RANBP17: variants seen among roughly 807,000 people sequenced by gnomAD.
RANBP17 encodes the protein ran-binding protein 17.
In RANBP17, 158 loss-of-function variants were observed where a neutral mutation model predicts 141.2. The ratio of observed to expected loss-of-function variants is 1.12; its 90% CI spans 0.98 to 1.28. RANBP17 has a LOEUF of 1.28. RANBP17 is among the 50% of genes most tolerant of loss of function. The pLI, the probability that RANBP17 is intolerant of heterozygous loss-of-function variation, is 0.00. For missense variants in RANBP17, 1,438 were observed against 1,290.7 expected, an observed-to-expected ratio of 1.11 and a Z score of -1.75; for synonymous variants, 430 against 450.0, an observed-to-expected ratio of 0.96 and a Z score of 0.56.
intron 14 of RANBP17, among the ~76,000 whole-genome samples, chr5:171,001,559 A>G (rs901651985): frequency 1.3e-5 from 2 of 152,034 alleles, no homozygotes; most frequent in African/African-American, 4.8e-5. Flanking sequence ...AATGGGCTGT[A>G]CTCTGTAGCA....
At chr5:170,965,259 T>G (rs1436480516) in intron 13 of RANBP17, among the ~76,000 whole-genome samples, 2 of 150,864 alleles carry the variant, frequency 1.3e-5, no homozygotes, top group African/African-American at 4.9e-5. Context: ...TTTTTTTTCT[T>G]GTAAATTTGT....
At chr5:170,967,714 T>G (rs865948428) in intron 13 of RANBP17, among the ~76,000 whole-genome samples, 2 of 151,772 alleles carry the variant, frequency 1.3e-5, no homozygotes, top group Admixed American at 6.6e-5. Context: ...CCTTGTAGTT[T>G]ATTTAAGGTA....
intron 14 of RANBP17, among the ~76,000 whole-genome samples, chr5:171,013,129 G>A (rs531998127): frequency 8.5e-5 from 13 of 152,312 alleles, no homozygotes; most frequent in Admixed American, 2.0e-4. Flanking sequence ...TAATACTGAT[G>A]CACATTTAGT....
chr5:171,109,874 AATATT>A (rs1322843395), intron 14 of RANBP17, among the ~76,000 whole-genome samples: 1 of 152,186 alleles, frequency 6.6e-6, no homozygotes, highest in Non-Finnish European at 1.5e-5. Context: ...ACTTTGAAGA[AATATT>A]ATAGGTATTA....
intron 14 of RANBP17, among the ~76,000 whole-genome samples, chr5:171,141,587 G>A (rs1439507202): frequency 1.6e-5 from 2 of 128,128 alleles, no homozygotes; most frequent in Non-Finnish European, 3.2e-5. Flanking sequence ...AGCCTGGGAT[G>A]GAGTGTAGAC....
intron 5 of RANBP17, chr5:170,897,420 G>A (rs1020859778): frequency 1.3e-5 from 5 of 391,040 alleles, no homozygotes; most frequent in African/African-American, 4.3e-5. Context: ...TTTCTTCATT[G>A]TTATACTTTA....
At chr5:171,141,477 G>T (rs1757690801) in intron 14 of RANBP17, among the ~76,000 whole-genome samples, 2 of 151,256 alleles carry the variant, frequency 1.3e-5, no homozygotes, top group African/African-American at 4.9e-5. Flanking sequence ...CGTGGTGGTG[G>T]GCACCTGTAG....
intron 12 of RANBP17, among the ~76,000 whole-genome samples, chr5:170,938,108 C>T (rs982907936): frequency 6.6e-5 from 10 of 152,084 alleles, no homozygotes; most frequent in Admixed American, 1.3e-4. Context: ...GAACTTTAAT[C>T]GGGGTGGGAC....
At position 171,252,786 on chromosome 5, in the gene RANBP17, G is replaced by A. The variant is rs1008219532; in HGVS notation, c.2776+9966G>A. ...CTTCATATGAAAGTGTGGAGGGTGT[G>A]TGCAGCCTCATTGTCAGCATTGGTC... On this transcript the variant is annotated intron_variant, in intron 24 of 27. Transcript: ENST00000523189. The A allele has an allele frequency of 1.2e-5, 15 of 1,238,890 alleles. No homozygotes were observed. In the African/African-American group the frequency reaches 1.9e-4, roughly 16 times the overall value. 76.7% of individuals were successfully genotyped at this position (1,238,890 alleles called of 1,614,324 possible).
chr5:171,028,105 T>A (rs1015300600), intron 14 of RANBP17, among the ~76,000 whole-genome samples: 5 of 151,992 alleles, frequency 3.3e-5, no homozygotes, highest in African/African-American at 1.2e-4. Flanking sequence ...TAATGCTAGA[T>A]TTATAAGGCA....
intron 15 of RANBP17, among the ~76,000 whole-genome samples, chr5:171,170,522 C>T (rs1284944097): frequency 2.0e-5 from 3 of 151,926 alleles, no homozygotes; most frequent in South Asian, 2.1e-4. Context: ...AAGAAAAGCA[C>T]GCGATTTGAA....
At chr5:170,931,421 A>G (rs994297539) in intron 12 of RANBP17, among the ~76,000 whole-genome samples, 3 of 152,122 alleles carry the variant, frequency 2.0e-5, no homozygotes, top group African/African-American at 4.8e-5. Context: ...ATTAGATCCA[A>G]TTTGTCAATT....
chr5:171,018,316 G>C (rs954417727), intron 14 of RANBP17, among the ~76,000 whole-genome samples: 1 of 152,108 alleles, frequency 6.6e-6, no homozygotes, highest in Non-Finnish European at 1.5e-5. Flanking sequence ...AGTTTGATGG[G>C]AATAGCATTG....
At chr5:171,028,991 T>C in intron 14 of RANBP17, 1 of 1,249,894 alleles carries the variant, frequency 8.0e-7, no homozygotes, top group South Asian at 1.3e-5. Flanking sequence ...AAGGTCCAGG[T>C]GAGGGCAAGT....
chr5:171,143,590 C>T (rs1757846519), intron 14 of RANBP17: 1 of 152,136 alleles, frequency 6.6e-6, no homozygotes, highest in African/African-American at 2.4e-5. Flanking sequence ...GGTCATTCCA[C>T]TTGCTGGAGT....
At chr5:170,879,825 C>A (rs1396614439) in intron 2 of RANBP17, among the ~76,000 whole-genome samples, 1 of 152,066 alleles carries the variant, frequency 6.6e-6, no homozygotes, top group African/African-American at 2.4e-5. Flanking sequence ...TTGTTTCCAA[C>A]ACAGAATATT....
chr5:171,011,858 AC>A (rs1194147439), intron 14 of RANBP17, among the ~76,000 whole-genome samples: 1 of 151,900 alleles, frequency 6.6e-6, no homozygotes, highest in East Asian at 1.9e-4. Flanking sequence ...AAATATCTGA[AC>A]CGGACATGCA....
At position 170,896,134 on chromosome 5, in the gene RANBP17, C is replaced by G. The variant is rs1299091355; in HGVS notation, c.489+19C>G. Reference sequence around the variant, plus strand: ...GAACCTGGTAAGCGAGCCTTTCCATCTAACAGGAGCCTGAGTTTGCTTAAG... The same window carrying G: ...GAACCTGGTAAGCGAGCCTTTCCATGTAACAGGAGCCTGAGTTTGCTTAAG... On this transcript the variant is annotated intron_variant, in intron 5 of 27. Transcript: ENST00000523189. The G allele has an allele frequency of 1.3e-6, 2 of 1,549,378 alleles. No homozygotes were observed. The highest frequency in any genetic ancestry group is 1.8e-6 in the Non-Finnish European group (2 of 1,133,338).
Position 170,916,507 on chromosome 5 carries a change from T to G in RANBP17, c.877T>G (p.Leu293Val), listed in dbSNP as rs755021992. 1.3e-6 allele frequency: 2 copies of G among 1,582,432 alleles called. No homozygotes were observed. The highest frequency in any genetic ancestry group is 2.4e-5 in the South Asian group (2 of 84,900). The change falls in exon 9 of 28, where the codon TTA (leucine) becomes GTA (valine). Residue 293 changes from leucine to valine, a missense_variant. Coordinates refer to ENST00000523189, the MANE Select transcript of RANBP17 (RefSeq NM_022897.5). The part of the protein sequence containing the change: ...LVQFASTRRS[L>V]FNSPERAKYL... ...TCAGTTTGCTTCGACAAGAAGGTCC[T>G]TATTTAACAGTCCTGAACGTGCCAA...
Sources: allele counts gnomAD v4.1 joint callset (sites outside exome capture counted in the v4.1 genomes callset), GRCh38; gene constraint gnomAD v4.1.1; transcripts MANE v1.5; gene names NCBI Gene and HGNC (gene_info 2026-07-23, HGNC 2026-07-21).